The following FAF1 variants were observed in gnomAD, a reference collection of about 807,000 sequenced individuals.
FAF1 encodes the protein FAS-associated factor 1.
A neutral mutation model predicts 92.5 loss-of-function variants in FAF1; 25 were observed. That is an observed-to-expected ratio of 0.27 (90% CI 0.20 to 0.38). FAF1 has a LOEUF of 0.38. Among genes scored for constraint, FAF1 ranks in the 10% least tolerant of loss-of-function variants. The pLI is 1.00. For synonymous variants in FAF1, 234 were observed against 273.2 expected (o/e 0.86, Z 1.42); for missense variants, 636 against 793.3 (o/e 0.80, Z 2.38).
intron 6 of FAF1, among the ~76,000 whole-genome samples, chr1:50,724,276 TACACAC>T (rs1281878722): frequency 7.8e-5 from 9 of 114,892 alleles, no homozygotes; most frequent in South Asian, 2.7e-4. Context: ...TATATACATA[TACACAC>T]ACACACACAC....
intron 4 of FAF1, among the ~76,000 whole-genome samples, chr1:50,756,783 C>G (rs1223205585): frequency 2.0e-5 from 3 of 152,160 alleles, no homozygotes; most frequent in Non-Finnish European, 4.4e-5. Context: ...AGAGAGAGAG[C>G]TTGTGCAGGG....
At chr1:50,552,674 G>A (rs1649368283) in intron 13 of FAF1, among the ~76,000 whole-genome samples, 1 of 152,082 alleles carries the variant, frequency 6.6e-6, no homozygotes, top group Admixed American at 6.6e-5. Flanking sequence ...CTTTCTGAAG[G>A]AATATATAGA....
intron 8 of FAF1, among the ~76,000 whole-genome samples, chr1:50,637,350 G>A (rs1047599174): frequency 6.6e-6 from 1 of 151,252 alleles, no homozygotes; most frequent in Non-Finnish European, 1.5e-5. Flanking sequence ...CTACTCGGGA[G>A]GCTGAGGCAG....
intron 4 of FAF1, among the ~76,000 whole-genome samples, chr1:50,749,397 G>A (rs541245485): frequency 3.3e-5 from 5 of 152,272 alleles, no homozygotes; most frequent in African/African-American, 7.2e-5. Flanking sequence ...CAGAAAGCCT[G>A]GGTAACACAT....
rs750382332 is a variant in FAF1 at position 50,705,842 on chromosome 1, G to C, written c.601C>G (p.Arg201Gly). 6.2e-7 allele frequency: 1 copy of C among 1,613,162 alleles called. No individual in the cohort carries two copies. The highest frequency in any genetic ancestry group is 2.2e-5 in the East Asian group (1 of 44,862). ...NQNFMLIITH[R>G]EVQREYNLNF... ...AGGTTGTACTCCCGCTGGACTTCTC[G>C]GTGGGTGATGATCAGCATGAAGTTT... The change falls in exon 7 of 19, where the codon CGA becomes GGA. Residue 201 changes from arginine (R) to glycine (G), a missense_variant. By Grantham distance (125) the Arg-to-Gly change is moderately radical. This residue lies in a region of FAF1 where 317 missense variants were observed against 342.4 expected (regional missense o/e 0.93). Coordinates refer to ENST00000396153, the MANE Select transcript of FAF1 (RefSeq NM_007051.3).
intron 13 of FAF1, among the ~76,000 whole-genome samples, chr1:50,564,495 C>T (rs1301681457): frequency 6.6e-6 from 1 of 152,050 alleles, no homozygotes; most frequent in South Asian, 2.1e-4. Flanking sequence ...TAATCATATG[C>T]AAATGATGTC....
At position 50,810,551 on chromosome 1, in the gene FAF1, T is replaced by C. The variant is rs11205770; in HGVS notation, c.115-8874A>G. On this transcript the variant is annotated intron_variant, in intron 2 of 18. Transcript: ENST00000396153. The stretch of plus-strand genomic sequence containing the variant: ...AAGGATGCCCTCTCTCACTACTCTA[T>C]TCAACATGGCACTGGAAGTCCTATC... Among the ~76,000 whole-genome samples, 1,503 of 152,262 alleles carry C rather than the reference T, an allele frequency of 9.9e-3. 23 individuals are homozygous for C. The highest frequency in any genetic ancestry group is 0.034 in the African/African-American group (1,425 of 41,540).
intron 17 of FAF1, among the ~76,000 whole-genome samples, chr1:50,488,416 T>C (rs976592171): frequency 3.3e-5 from 5 of 152,314 alleles, no homozygotes; most frequent in African/African-American, 9.6e-5. Flanking sequence ...ACTGAGTTAA[T>C]TGTGTACCCT....
intron 18 of FAF1, among the ~76,000 whole-genome samples, chr1:50,473,878 G>GAAAA (rs2148998180): frequency 6.6e-6 from 1 of 152,242 alleles, no homozygotes; most frequent in Non-Finnish European, 1.5e-5. Flanking sequence ...GTACCTTAAT[G>GAAAA]AAACTCTGGG....
intron 8 of FAF1, among the ~76,000 whole-genome samples, chr1:50,643,333 T>G (rs867716583): frequency 1.3e-5 from 2 of 148,702 alleles, no homozygotes; most frequent in East Asian, 2.0e-4. Flanking sequence ...TCCATTCTGG[T>G]TTTTTTTTTG....
chr1:50,693,808 CCT>C (rs961763800), intron 7 of FAF1, among the ~76,000 whole-genome samples: 4 of 151,914 alleles, frequency 2.6e-5, no homozygotes, highest in African/African-American at 9.6e-5. Flanking sequence ...AGCACACACC[CCT>C]CTCTCTCACA....
chr1:50,780,675 TATG>T lies in FAF1; in HGVS notation c.367+7322_367+7324del, dbSNP rs59431798. On this transcript the variant is annotated intron_variant, in intron 4 of 18. Transcript: ENST00000396153. ...CATCTTCATCAGTATCAGAGAGGACTATGATGAGCATGTGCTGCCACCTATCAT... is the reference window on the plus strand; with the variant it reads ...CATCTTCATCAGTATCAGAGAGGACTATGAGCATGTGCTGCCACCTATCAT... The T allele has an allele frequency of 2.5e-4, 67 of 269,548 alleles. 1 individual carries two copies. In the East Asian group the frequency reaches 6.8e-3, roughly 27 times the overall value. 16.7% of individuals were successfully genotyped at this position (269,548 alleles called of 1,614,324 possible).
chr1:50,605,709 T>C (rs1343980363), intron 8 of FAF1, among the ~76,000 whole-genome samples: 1 of 152,138 alleles, frequency 6.6e-6, no homozygotes, highest in Non-Finnish European at 1.5e-5. Flanking sequence ...AAAGAACATA[T>C]TAAACACATT....
chr1:50,590,364 T>A (rs531829443), intron 9 of FAF1, among the ~76,000 whole-genome samples: 1 of 152,334 alleles, frequency 6.6e-6, no homozygotes, highest in East Asian at 1.9e-4. Context: ...CTCCCGCTTC[T>A]TTTATTAGTT....
chr1:50,778,326 T>C (rs1661037503), intron 4 of FAF1, among the ~76,000 whole-genome samples: 3 of 152,158 alleles, frequency 2.0e-5, no homozygotes, highest in Admixed American at 2.0e-4. Context: ...TATCTGGATC[T>C]GGGTGGTGGT....
intron 18 of FAF1, among the ~76,000 whole-genome samples, chr1:50,445,459 A>G (rs1229354890): frequency 2.0e-5 from 3 of 152,192 alleles, no homozygotes. Flanking sequence ...TTTCAGAGAT[A>G]TTGCTGAGAG....
intron 8 of FAF1, among the ~76,000 whole-genome samples, chr1:50,645,896 C>A (rs1346665993): frequency 6.6e-6 from 1 of 151,734 alleles, no homozygotes; most frequent in Non-Finnish European, 1.5e-5. Context: ...ATACTATTGA[C>A]AAAAACAGAT....
intron 13 of FAF1, among the ~76,000 whole-genome samples, chr1:50,553,172 T>TA (rs1218486549): frequency 1.3e-5 from 2 of 152,038 alleles, no homozygotes; most frequent in African/African-American, 2.4e-5. Context: ...CATGAGGAGA[T>TA]AAAAAAATCT....
chr1:50,571,125 G>C (rs1650418758), intron 12 of FAF1, among the ~76,000 whole-genome samples: 1 of 152,222 alleles, frequency 6.6e-6, no homozygotes, highest in Admixed American at 6.5e-5. Context: ...TTGTGGGAAA[G>C]AATGTGCGGA....
Sources: gnomAD v4.1 joint callset for allele counts (sites outside exome capture counted in the v4.1 genomes callset) on GRCh38, gnomAD v4.1.1 for gene constraint, gnomAD v4.1.1 regional missense constraint, MANE v1.5 for transcripts, NCBI Gene and HGNC (gene_info 2026-07-23, HGNC 2026-07-21) for gene names.